TRIM66: variants seen among roughly 807,000 people sequenced by gnomAD.
TRIM66 encodes tripartite motif-containing protein 66.
In TRIM66, 99 loss-of-function variants were observed where a neutral mutation model predicts 148.2. The ratio of observed to expected loss-of-function variants is 0.67; its 90% CI spans 0.57 to 0.79. TRIM66 has a LOEUF of 0.79. Among genes scored for constraint, TRIM66 ranks in the 30% least tolerant of loss-of-function variants. The pLI is 0.00. For missense variants in TRIM66, 1,666 were observed against 1,697.9 expected (o/e 0.98, Z 0.33); for synonymous variants, 616 against 635.9 (o/e 0.97, Z 0.47).
chr11:8,619,980 G>C (rs943406048), intron 22 of TRIM66, 70 bp downstream of exon 22: 59 of 1,349,670 alleles, frequency 4.4e-5, no homozygotes, highest in Non-Finnish European at 5.8e-5. Flanking sequence ...GTTAGGGGAG[G>C]CTGGGGTAGC....
At chr11:8,619,047 G>T (rs2141802356) in intron 23 of TRIM66, 79 bp from the exon 24 acceptor site, 1 of 1,325,126 alleles carries the variant, frequency 7.5e-7, no homozygotes, top group Non-Finnish European at 1.1e-6. Flanking sequence ...GAGCTACACA[G>T]AGCACAAAGC....
At position 8,666,892 on chromosome 11, in the gene TRIM66, C is replaced by T. The variant is rs764607425; in HGVS notation, c.340+4894G>A. Among the ~76,000 whole-genome samples the T allele has an allele frequency of 1.4e-4, 21 of 152,198 alleles. 1 individual carries two copies. Among genetic ancestry groups the T allele is most frequent in the Admixed American group, 3.3e-4 (5 of 15,262 alleles). On this transcript the variant is annotated intron_variant, in intron 6 of 24. Coordinates refer to ENST00000646038, the MANE Select transcript of TRIM66 (RefSeq NM_001388022.1). ...TGGCGCGATCTCAGCTCACTGCAAC[C>T]TCCACTTCCTGGGTTCAAGTGGTTC...
chr11:8,627,396 A>G (rs981756767), intron 15 of TRIM66, among the ~76,000 whole-genome samples: 2 of 152,230 alleles, frequency 1.3e-5, no homozygotes, highest in African/African-American at 4.8e-5. Context: ...TTTATTGAGA[A>G]TTTATTATAT....
chr11:8,662,924 A>C (rs1444212919), intron 6 of TRIM66, among the ~76,000 whole-genome samples: 1 of 152,178 alleles, frequency 6.6e-6, no homozygotes, highest in African/African-American at 2.4e-5. Context: ...AGCTTGCTAC[A>C]TTTACTTAAA....
At chr11:8,642,308 G>C (rs150814432) in intron 13 of TRIM66, among the ~76,000 whole-genome samples, 2 of 152,336 alleles carry the variant, frequency 1.3e-5, no homozygotes, top group African/African-American at 4.8e-5. Flanking sequence ...TCAAAGGAAA[G>C]AGGGAAGAAA....
chr11:8,646,935 G>A (rs1182116739), intron 10 of TRIM66, among the ~76,000 whole-genome samples: 1 of 34,292 alleles, frequency 2.9e-5, no homozygotes, highest in Admixed American at 2.8e-4. Context: ...GAGGCAGAAT[G>A]CATACTGCCT....
intron 6 of TRIM66, among the ~76,000 whole-genome samples, chr11:8,669,143 G>A (rs1326493768): frequency 3.9e-5 from 6 of 152,194 alleles, no homozygotes; most frequent in Non-Finnish European, 8.8e-5. Context: ...CACTGCTGCA[G>A]AGGCCCAATA....
intron 3 of TRIM66, among the ~76,000 whole-genome samples, chr11:8,677,284 T>C (rs1377955461): frequency 1.3e-5 from 2 of 152,204 alleles, no homozygotes; most frequent in African/African-American, 4.8e-5. Flanking sequence ...AATGTATGTC[T>C]TAGACATAGT....
rs1201544756 is a variant in TRIM66, at chr11:8,646,449, C to T, written c.955G>A (p.Glu319Lys). ...KQANGLIEELEGITNERKRKL... is the reference protein window; with the variant it reads ...KQANGLIEELKGITNERKRKL... ...CTGATCCATCTGTCTATACATACCT[C>T]TAATTCCTCTATTAGCCCATTGGCC... The change falls in exon 11 of 25, where the codon GAG becomes AAG. Residue 319 changes from glutamate to lysine, a missense_variant and splice_region_variant. Coordinates refer to ENST00000646038, the MANE Select transcript of TRIM66 (RefSeq NM_001388022.1). 8 of 1,552,016 alleles carry T rather than the reference C, an allele frequency of 5.2e-6. No individual in the cohort carries two copies. The highest frequency in any genetic ancestry group is 7.0e-6 in the Non-Finnish European group (8 of 1,146,868).
chr11:8,622,339 A>AACACACACAC lies in TRIM66; in HGVS notation c.3080+467_3080+476dup, dbSNP rs150269400. On this transcript the variant is annotated intron_variant, in intron 18 of 24. Transcript: ENST00000646038. The stretch of plus-strand genomic sequence containing the variant: ...TATATATGGAAGTACACACACACAC[A>AACACACACAC]ACACACACACACACACACACACACA... Among the ~76,000 whole-genome samples the AACACACACAC allele has an allele frequency of 7.2e-3, 506 of 70,418 alleles. 10 individuals carry two copies. The highest frequency in any genetic ancestry group is 8.1e-3 in the South Asian group (18 of 2,230). The allele number at this position is 70,418 out of a possible 152,430, so 46.2% of individuals were successfully genotyped here.
chr11:8,682,827 C>T (rs757832886), upstream of TRIM66: 2 of 1,611,456 alleles, frequency 1.2e-6, no homozygotes, highest in African/African-American at 1.3e-5. Flanking sequence ...GTAGGTGTTT[C>T]GTTTCTTGCC....
upstream of TRIM66, chr11:8,682,792 C>G (rs201805042): frequency 3.5e-4 from 559 of 1,613,398 alleles, no homozygotes; most frequent in Non-Finnish European, 4.2e-4. Flanking sequence ...GAAGGCCTTC[C>G]TTTTTCGTCT....
rs60432547 is a variant in TRIM66 at position 8,642,843 on chromosome 11, C to CAAAAAAA, written c.1222+159_1222+165dup. ...TTCCTCATCCTCTCCTCTTCCCCCTCAAAAAAAAAAAAAAAAAAAAAAAAA... is the reference window on the plus strand; with the variant it reads ...TTCCTCATCCTCTCCTCTTCCCCCTCAAAAAAAAAAAAAAAAAAAAAAAAAAAAAAAA... On this transcript the variant is annotated intron_variant, in intron 13 of 24. Coordinates refer to ENST00000646038, the MANE Select transcript of TRIM66 (RefSeq NM_001388022.1). 1.2e-4 allele frequency among the ~76,000 whole-genome samples: 9 copies of CAAAAAAA among 73,232 alleles called. 1 individual carries two copies. Among genetic ancestry groups the CAAAAAAA allele is most frequent in the Admixed American group, 6.3e-4 (3 of 4,738 alleles). The allele number at this position is 73,232 out of a possible 152,430, so 48.0% of individuals were successfully genotyped here. A position where few individuals can be genotyped will look rare whatever the true frequency, so the allele number is the denominator to read the frequency against.
chr11:8,681,094 G>A (rs1046774594), intron 1 of TRIM66, among the ~76,000 whole-genome samples: 1 of 152,072 alleles, frequency 6.6e-6, no homozygotes, highest in Non-Finnish European at 1.5e-5. Flanking sequence ...CTCTTTTGGG[G>A]AGCTTGGCTG....
Position 8,643,532 on chromosome 11 carries a change from C to T in TRIM66, c.1105-406G>A, listed in dbSNP as rs1055138548. On this transcript the variant is annotated intron_variant, in intron 12 of 24. Transcript: ENST00000646038. ...TTTTTTGTATTTTGTTTAGTAGAGA[C>T]GGGGTTTCACTGTGTTAGCCAGGAT... Among the ~76,000 whole-genome samples the T allele has an allele frequency of 9.9e-5, 15 of 152,072 alleles. No individual in the cohort carries two copies. The East Asian group carries it at 2.3e-3, about 24-fold the overall frequency.
At chr11:8,653,539 T>C (rs4929928) in intron 6 of TRIM66, among the ~76,000 whole-genome samples, 87,459 of 151,916 alleles carry the variant, frequency 0.58, 25,783 homozygotes, top group Non-Finnish European at 0.65. Flanking sequence ...ACTAACCCAC[T>C]AGCTGAATAC....
At position 8,621,256 on chromosome 11, in the gene TRIM66, G is replaced by C. The variant is rs2034184440; in HGVS notation, c.3321C>G (p.Val1107=). 1.3e-6 allele frequency: 2 copies of C among 1,551,598 alleles called. No individual in the cohort carries two copies. The highest frequency in any genetic ancestry group is 2.7e-5 in the African/African-American group (2 of 73,048). The change falls in exon 20 of 25, where the codon GTC becomes GTG. Residue 1107 remains valine, a synonymous_variant. Transcript: ENST00000646038. The part of the protein sequence containing the change: ...APGLEGRKVT[V]TSLAGQRPPE... The stretch of plus-strand genomic sequence containing the variant: ...GTGGCCGCTGCCCAGCCAAAGAAGT[G>C]ACAGTGACCTTTCTTCCCTCCAGAC...
Position 8,622,634 on chromosome 11 carries a change from G to A in TRIM66, c.3080+182C>T, listed in dbSNP as rs373236568. Among the ~76,000 whole-genome samples the A allele has an allele frequency of 2.0e-5, 3 of 151,862 alleles. No homozygotes were observed. The East Asian group carries it at 5.8e-4, about 29-fold the overall frequency. ...CCAGAGCGCATGCCTCGTGGTGCAG[G>A]AGCCAGGACATCCTCCCACAACCAT... On this transcript the variant is annotated intron_variant, in intron 18 of 24. Transcript: ENST00000646038.
At chr11:8,646,598 C>T (rs775705617) in intron 10 of TRIM66, 37 bp from the exon 11 acceptor site, 1 of 1,486,846 alleles carries the variant, frequency 6.7e-7, no homozygotes, top group South Asian at 1.2e-5. Context: ...GTAAGCTTTC[C>T]TCATGGACTA....
Sources: allele counts gnomAD v4.1 joint callset (sites outside exome capture counted in the v4.1 genomes callset), GRCh38; gene constraint gnomAD v4.1.1; transcripts MANE v1.5; gene names NCBI Gene and HGNC (gene_info 2026-07-23, HGNC 2026-07-21).